Variants in DNAH17 observed in about 807,000 individuals in gnomAD.
DNAH17 encodes dynein axonemal heavy chain 17.
A neutral mutation model predicts 485.6 loss-of-function variants in DNAH17; 376 were observed. The observed-to-expected ratio is 0.77, with a 90% CI of 0.71 to 0.84. DNAH17 has a LOEUF of 0.84. DNAH17 is among the 40% of genes least tolerant of loss of function. The pLI is 0.00. For synonymous variants in DNAH17, 3,031 were observed against 2,405.9 expected, an observed-to-expected ratio of 1.26 and a Z score of -7.60; for missense variants, 6,370 against 5,839.3, an observed-to-expected ratio of 1.09 and a Z score of -2.96.
At chr17:78,571,565 C>A in intron 4 of DNAH17, 25 bp downstream of exon 4, 8 of 1,612,692 alleles carry the variant, frequency 5.0e-6, no homozygotes, top group East Asian at 2.2e-5. Flanking sequence ...GAGGCTGCAG[C>A]CCCACAGGAG....
Position 78,500,505 on chromosome 17 carries a change from G to A in DNAH17, c.5484-44C>T, listed in dbSNP as rs1403871378. On this transcript the variant is annotated intron_variant, in intron 35 of 80. Transcript: ENST00000389840. The stretch of plus-strand genomic sequence containing the variant: ...AAGCGTGTGTGCCAGCGACCCCATG[G>A]CCTCCCTGCTTTTATTTTTTTGAGA... 4.6e-6 allele frequency: 7 copies of A among 1,505,566 alleles called. No homozygotes were observed. In the Admixed American group the frequency reaches 7.0e-5, roughly 15 times the overall value. 93.3% of individuals were successfully genotyped at this position (1,505,566 alleles called of 1,614,324 possible). A position where few individuals can be genotyped will look rare whatever the true frequency, so the allele number is the denominator to read the frequency against.
chr17:78,468,901 A>C lies in DNAH17; in HGVS notation c.8512-18T>G. Reference sequence around the variant, plus strand: ...AGGTCAATCTGGACGGAGTGAGGACACGCTTAGGGGCCTTGGTAAAAAGAT... The same window carrying C: ...AGGTCAATCTGGACGGAGTGAGGACCCGCTTAGGGGCCTTGGTAAAAAGAT... On this transcript the variant is annotated intron_variant, in intron 54 of 80. Coordinates refer to ENST00000389840, the MANE Select transcript of DNAH17 (RefSeq NM_173628.4). The C allele has an allele frequency of 6.2e-7, 1 of 1,607,254 alleles. No individual in the cohort carries two copies. Among genetic ancestry groups the C allele is most frequent in the East Asian group, 2.2e-5 (1 of 44,808 alleles).
intron 22 of DNAH17, 85 bp from the exon 23 acceptor site, chr17:78,527,081 A>C: frequency 8.1e-7 from 1 of 1,229,150 alleles, no homozygotes; most frequent in Non-Finnish European, 1.1e-6. Context: ...GACTGGTAAG[A>C]AGCTGCAAAA....
At position 78,460,250 on chromosome 17, in the gene DNAH17, G is replaced by C. The variant is rs1395924109; in HGVS notation, c.9347C>G (p.Thr3116Ser). Residue 3116 changes from threonine (T) to serine (S), a missense_variant, in exon 59 of 81, where the codon ACT becomes AGT. Physicochemically the swap from Thr to Ser is moderately conservative, Grantham distance 58. Transcript: ENST00000389840. Reference sequence around the variant, plus strand: ...TGTTTCACAGGCCTTTTGCTTCTCAGTGACGTTCTGGAAGGAAGATGGACA... The same window carrying C: ...TGTTTCACAGGCCTTTTGCTTCTCACTGACGTTCTGGAAGGAAGATGGACA... ...VKVEVINKNV[T>S]EKQKACETDL... 6.3e-7 allele frequency: 1 copy of C among 1,599,144 alleles called. No homozygotes were observed. The highest frequency in any genetic ancestry group is 1.3e-5 in the African/African-American group (1 of 74,720).
rs199993281 is a variant in DNAH17, at chr17:78,465,163, C to T, written c.8940+1492G>A. 8.7e-4 allele frequency among the ~76,000 whole-genome samples: 133 copies of T among 152,312 alleles called. 1 individual carries two copies. In the East Asian group the frequency reaches 0.018, roughly 21 times the overall value. On this transcript the variant is annotated intron_variant, in intron 56 of 80. Coordinates refer to ENST00000389840, the MANE Select transcript of DNAH17 (RefSeq NM_173628.4). Reference sequence around the variant, plus strand: ...CCCAGGCCAGTCTCCAGCCCCTAACCGCAAGTGATCCGCCAGCCTCGGCCT... The same window carrying T: ...CCCAGGCCAGTCTCCAGCCCCTAACTGCAAGTGATCCGCCAGCCTCGGCCT...
chr17:78,564,023 G>C (rs1370305411), intron 11 of DNAH17, among the ~76,000 whole-genome samples: 1 of 152,188 alleles, frequency 6.6e-6, no homozygotes, highest in South Asian at 2.1e-4. Flanking sequence ...CCTAACAGGT[G>C]CCAGGGATGC....
chr17:78,567,034 C>A lies in DNAH17; in HGVS notation c.1417G>T (p.Asp473Tyr). ...EVFELVKVFA[D>Y]CKYDPLDPGD... is the part of the protein sequence containing the mutation. ...GGGTCCAAGGGATCATATTTGCAGT[C>A]GGCAAAAACCTTCACCAGCTCAAAG... is the stretch of plus-strand genomic sequence containing the variant. Residue 473 changes from aspartate to tyrosine, a missense_variant, in exon 10 of 81, where the codon GAC becomes TAC. Physicochemically the swap from Asp to Tyr is radical, Grantham distance 160. Transcript: ENST00000389840. 5 of 1,613,546 alleles carry A rather than the reference C, an allele frequency of 3.1e-6. 1 individual carries two copies. Among genetic ancestry groups the A allele is most frequent in the South Asian group, 2.2e-5 (2 of 91,024 alleles).
intron 69 of DNAH17, among the ~76,000 whole-genome samples, chr17:78,447,187 A>G (rs75665295): frequency 0.016 from 2,475 of 152,254 alleles, 80 homozygotes; most frequent in African/African-American, 0.057. Context: ...TTGACCTCCC[A>G]AAGTGTTGGG....
chr17:78,502,397 T>A (rs879680445), intron 33 of DNAH17, 194 bp downstream of exon 33: 2 of 508,834 alleles, frequency 3.9e-6, no homozygotes, highest in Non-Finnish European at 3.4e-6. Context: ...CTGTTACTCG[T>A]GGGGAGAGGT....
intron 31 of DNAH17, among the ~76,000 whole-genome samples, chr17:78,504,590 A>G (rs1014585966): frequency 4.7e-5 from 7 of 149,676 alleles, no homozygotes; most frequent in Non-Finnish European, 8.9e-5. Context: ...CAACTGATTT[A>G]CCTCTGCATT....
At chr17:78,531,681 C>T (rs2091242836) in intron 20 of DNAH17, among the ~76,000 whole-genome samples, 1 of 152,216 alleles carries the variant, frequency 6.6e-6, no homozygotes, top group African/African-American at 2.4e-5. Context: ...GTTATTCCTA[C>T]TTGTTCTTGG....
chr17:78,510,722 A>C (rs555616650), intron 26 of DNAH17: 1 of 577,984 alleles, frequency 1.7e-6, no homozygotes, highest in South Asian at 2.1e-5. Context: ...GCATAAGAGC[A>C]GAACGCACCT....
chr17:78,484,821 C>T, intron 48 of DNAH17, 47 bp downstream of exon 48: 1 of 1,486,652 alleles, frequency 6.7e-7, no homozygotes, highest in Non-Finnish European at 9.0e-7. Context: ...GCCCCGCCCT[C>T]ACCGCCCCGG....
intron 51 of DNAH17, among the ~76,000 whole-genome samples, chr17:78,477,206 C>T (rs79033134): frequency 0.043 from 6,542 of 152,196 alleles, 221 homozygotes; most frequent in African/African-American, 0.086. Context: ...CAGAACCTGA[C>T]GCTGTGGAGT....
In DNAH17 at chr17:78,461,686, A is replaced by G; in HGVS notation, c.9197T>C (p.Leu3066Ser). 1 of 1,609,806 alleles carries G rather than the reference A, an allele frequency of 6.2e-7. No homozygotes were observed. The highest frequency in any genetic ancestry group is 8.5e-7 in the Non-Finnish European group (1 of 1,178,692). Residue 3066 changes from leucine (L) to serine (S), a missense_variant, in exon 58 of 81, where the codon TTG becomes TCG. Transcript: ENST00000389840. ...CTTGAGCTCAGCCTCCTGAATCGCCAACTTGGCTTTCAAATCATCCACCTG... is the reference window on the plus strand; with the variant it reads ...CTTGAGCTCAGCCTCCTGAATCGCCGACTTGGCTTTCAAATCATCCACCTG... ...ASQVDDLKAK[L>S]AIQEAELKQK...
intron 77 of DNAH17, 117 bp from the exon 78 acceptor site, chr17:78,427,225 G>A (rs190850315): frequency 1.2e-5 from 12 of 1,042,670 alleles, no homozygotes; most frequent in Non-Finnish European, 1.7e-5. Context: ...GGAGGGAAGA[G>A]GCAAGTAGAG....
intron 35 of DNAH17, 26 bp from the exon 36 acceptor site, chr17:78,500,487 T>G (rs1280983423): frequency 6.5e-7 from 1 of 1,542,560 alleles, no homozygotes; most frequent in Non-Finnish European, 8.7e-7. Context: ...GGTAAGCGTG[T>G]GTGCCAGCGA....
At chr17:78,487,354 G>A (rs1478426855) in intron 44 of DNAH17, among the ~76,000 whole-genome samples, 1 of 152,206 alleles carries the variant, frequency 6.6e-6, no homozygotes, top group African/African-American at 2.4e-5. Flanking sequence ...CTGGTCCAGG[G>A]TAAGTGTTGC....
chr17:78,433,927 A>AGGAGGGAG, intron 75 of DNAH17, 102 bp downstream of exon 75: 2 of 791,234 alleles, frequency 2.5e-6, no homozygotes, highest in East Asian at 5.8e-5. Context: ...GAGGGAAGGA[A>AGGAGGGAG]GGAGGGAGGG....
Sources: gnomAD v4.1 joint callset for allele counts (sites outside exome capture counted in the v4.1 genomes callset) on GRCh38, gnomAD v4.1.1 for gene constraint, MANE v1.5 for transcripts, NCBI Gene and HGNC (gene_info 2026-07-23, HGNC 2026-07-21) for gene names.